TOX: variants seen among roughly 807,000 people sequenced by gnomAD.
TOX encodes the protein thymocyte selection-associated high mobility group box protein TOX.
In TOX, 11 loss-of-function variants were observed where a neutral mutation model predicts 53.7. That is an observed-to-expected ratio of 0.20 (90% CI 0.13 to 0.34). The LOEUF is 0.34. TOX is among the 10% of genes least tolerant of loss of function. The pLI, the probability that TOX is intolerant of heterozygous loss-of-function variation, is 1.00. For synonymous variants in TOX, 225 were observed against 245.3 expected (o/e 0.92, Z 0.77); for missense variants, 570 against 664.6 (o/e 0.86, Z 1.56).
At chr8:59,047,216 T>C in intron 1 of TOX, among the ~76,000 whole-genome samples, 1 of 114,438 alleles carries the variant, frequency 8.7e-6, no homozygotes, top group Non-Finnish European at 1.8e-5. Context: ...TTTTTTTTTT[T>C]TTTTTTTTTT....
At chr8:58,943,760 A>T (rs1185201736) in intron 2 of TOX, among the ~76,000 whole-genome samples, 1 of 151,978 alleles carries the variant, frequency 6.6e-6, no homozygotes, top group African/African-American at 2.4e-5. Context: ...TCTTCATCAC[A>T]TTTTATAGTG....
At chr8:58,877,721 A>G (rs189943688) in intron 3 of TOX, among the ~76,000 whole-genome samples, 1 of 152,346 alleles carries the variant, frequency 6.6e-6, no homozygotes, top group Admixed American at 6.5e-5. Flanking sequence ...GAAAGAAAAT[A>G]CAAGTCTGTC....
chr8:58,893,210 T>TCC (rs11407581), intron 3 of TOX, among the ~76,000 whole-genome samples: 4,883 of 151,830 alleles, frequency 0.032, 253 homozygotes, highest in African/African-American at 0.11. Context: ...ATCCATAATC[T>TCC]CCCCCCCACA....
In TOX at chr8:58,876,993, GAAGTGAACTA is replaced by G. The variant is rs1811296471; in HGVS notation, c.412-25198_412-25189del. ...AGAGGCACGTTAATAATTTAGCTTTGAAGTGAACTAAAGTGAAATGATGTAGAATTAAAAG... is the reference window on the plus strand; with the variant it reads ...AGAGGCACGTTAATAATTTAGCTTTGAAGTGAAATGATGTAGAATTAAAAG... On this transcript the variant is annotated intron_variant, in intron 3 of 8. Coordinates refer to ENST00000361421, the MANE Select transcript of TOX (RefSeq NM_014729.3). Among the ~76,000 whole-genome samples the G allele has an allele frequency of 3.3e-5, 5 of 152,290 alleles. No homozygotes were observed. The East Asian group carries it at 9.6e-4, about 29-fold the overall frequency.
intron 1 of TOX, chr8:58,991,708 T>C (rs1226150902): frequency 1.3e-5 from 2 of 152,238 alleles, no homozygotes; most frequent in Non-Finnish European, 2.9e-5. Flanking sequence ...CAAAGAAATG[T>C]GCTAGACAAT....
chr8:58,991,577 C>T (rs1330928529), intron 1 of TOX: 1 of 152,206 alleles, frequency 6.6e-6, no homozygotes, highest in Non-Finnish European at 1.5e-5. Context: ...AGTGTATCTT[C>T]TCCAATAGCC....
At chr8:58,974,515 A>G (rs756707097) in intron 1 of TOX, among the ~76,000 whole-genome samples, 11 of 152,154 alleles carry the variant, frequency 7.2e-5, no homozygotes, top group African/African-American at 1.9e-4. Flanking sequence ...TAATTACCCA[A>G]CTCTTCTAGG....
At chr8:59,111,982 T>C (rs569339871) in intron 1 of TOX, among the ~76,000 whole-genome samples, 3 of 152,326 alleles carry the variant, frequency 2.0e-5, no homozygotes, top group African/African-American at 7.2e-5. Context: ...TATAAATATA[T>C]ATCAGTGATG....
intron 1 of TOX, among the ~76,000 whole-genome samples, chr8:59,113,651 A>C (rs1016165298): frequency 6.6e-6 from 1 of 152,140 alleles, no homozygotes; most frequent in Non-Finnish European, 1.5e-5. Context: ...TTAGAAGTAC[A>C]GACCTCCTAG....
intron 1 of TOX, among the ~76,000 whole-genome samples, chr8:59,081,357 T>C (rs1318861467): frequency 6.6e-6 from 1 of 152,090 alleles, no homozygotes; most frequent in Non-Finnish European, 1.5e-5. Context: ...AGGAATTTGA[T>C]TCTGTGTATA....
chr8:58,838,188 G>A lies in TOX; in HGVS notation c.817C>T (p.Arg273Cys), dbSNP rs1810579430. 2 of 1,614,042 alleles carry A rather than the reference G, an allele frequency of 1.2e-6. No homozygotes were observed. The highest frequency in any genetic ancestry group is 1.7e-6 in the Non-Finnish European group (2 of 1,180,018). ...KPVSAYALFF[R>C]DTQAAIKGQN... ...CCCTTGATGGCGGCCTGAGTATCACGAAAGAATAACGCATAGGCAGACACA... is the reference window on the plus strand; with the variant it reads ...CCCTTGATGGCGGCCTGAGTATCACAAAAGAATAACGCATAGGCAGACACA... Residue 273 changes from arginine to cysteine, a missense_variant, in exon 5 of 9, where the codon CGT becomes TGT. Physicochemically the swap from Arg to Cys is radical, Grantham distance 180. Around this residue, in one of 3 missense-constraint regions of TOX, gnomAD observed 49 missense variants for 98.9 expected, o/e 0.50. Coordinates refer to ENST00000361421, the MANE Select transcript of TOX (RefSeq NM_014729.3).
chr8:58,928,837 T>C (rs1258814533), intron 3 of TOX, among the ~76,000 whole-genome samples: 1 of 152,200 alleles, frequency 6.6e-6, no homozygotes, highest in Non-Finnish European at 1.5e-5. Flanking sequence ...CTCCATTTGG[T>C]AAACCATTAG....
At chr8:59,089,981 C>T (rs1193640559) in intron 1 of TOX, among the ~76,000 whole-genome samples, 1 of 152,160 alleles carries the variant, frequency 6.6e-6, no homozygotes, top group Non-Finnish European at 1.5e-5. Flanking sequence ...GACTGAAGGC[C>T]CCATCAGATT....
chr8:59,109,469 T>G (rs1251189300), intron 1 of TOX, among the ~76,000 whole-genome samples: 1 of 151,978 alleles, frequency 6.6e-6, no homozygotes, highest in Non-Finnish European at 1.5e-5. Context: ...AGAGAATAGG[T>G]GGTTTAGGTG....
chr8:58,896,594 G>T (rs1413512741), intron 3 of TOX, among the ~76,000 whole-genome samples: 1 of 152,138 alleles, frequency 6.6e-6, no homozygotes, highest in Non-Finnish European at 1.5e-5. Context: ...GGAATCGCTT[G>T]AACCAGGGAG....
chr8:58,880,172 G>A (rs1811359635), intron 3 of TOX, among the ~76,000 whole-genome samples: 1 of 152,180 alleles, frequency 6.6e-6, no homozygotes, highest in Non-Finnish European at 1.5e-5. Context: ...GAGGGTGGAG[G>A]AAAGTCAGTA....
At chr8:58,913,881 T>G (rs1334009337) in intron 3 of TOX, among the ~76,000 whole-genome samples, 1 of 152,124 alleles carries the variant, frequency 6.6e-6, no homozygotes, top group Admixed American at 6.6e-5. Flanking sequence ...TTGCTCAAAG[T>G]TAGCTTTCAC....
At chr8:58,946,940 AC>A (rs1812531697) in intron 2 of TOX, among the ~76,000 whole-genome samples, 4 of 152,190 alleles carry the variant, frequency 2.6e-5, no homozygotes, top group Admixed American at 2.0e-4. Flanking sequence ...TATAGGTGAT[AC>A]TAGATCTTCT....
At chr8:58,837,870 T>C (rs1426194276) in intron 5 of TOX, among the ~76,000 whole-genome samples, 1 of 152,158 alleles carries the variant, frequency 6.6e-6, no homozygotes, top group Non-Finnish European at 1.5e-5. Context: ...TATATAAACT[T>C]TGAAACAAAG....
Sources: gnomAD v4.1 joint callset for allele counts (sites outside exome capture counted in the v4.1 genomes callset) on GRCh38, gnomAD v4.1.1 for gene constraint, gnomAD v4.1.1 regional missense constraint, MANE v1.5 for transcripts, NCBI Gene and HGNC (gene_info 2026-07-23, HGNC 2026-07-21) for gene names.